The following ACOXL variants were observed in gnomAD, a reference collection of about 807,000 sequenced individuals.
The protein encoded by ACOXL is acyl-coenzyme A oxidase-like protein.
ACOXL carries 70 observed loss-of-function variants against 71.9 expected under a neutral mutation model. The observed-to-expected ratio is 0.97, with a 90% CI of 0.80 to 1.19. The LOEUF (loss-of-function observed/expected upper bound fraction) is 1.19. ACOXL is among the 50% of genes most tolerant of loss of function. The pLI, the probability that ACOXL is intolerant of heterozygous loss-of-function variation, is 0.00. For synonymous variants in ACOXL, 253 were observed against 281.6 expected (o/e 0.90, Z 1.02); for missense variants, 703 against 736.3 (o/e 0.95, Z 0.52).
intron 12 of ACOXL, among the ~76,000 whole-genome samples, chr2:110,966,376 C>T (rs1472234629): frequency 2.0e-5 from 3 of 152,232 alleles, no homozygotes; most frequent in Admixed American, 6.5e-5. Context: ...TGAGTCTCTA[C>T]TCCCACCTGA....
intron 10 of ACOXL, among the ~76,000 whole-genome samples, chr2:110,865,736 T>C (rs780120211): frequency 3.5e-4 from 53 of 152,332 alleles, no homozygotes; most frequent in Non-Finnish European, 3.7e-4. Flanking sequence ...TTTACATGCA[T>C]TTATGTGTGT....
chr2:110,743,987 T>C (rs1036838276), intron 1 of ACOXL, among the ~76,000 whole-genome samples: 1 of 152,156 alleles, frequency 6.6e-6, no homozygotes, highest in Non-Finnish European at 1.5e-5. Flanking sequence ...ACAATTGGGG[T>C]GCTGCCTCTG....
At chr2:111,000,610 C>A (rs1038161335) in intron 14 of ACOXL, among the ~76,000 whole-genome samples, 1 of 152,212 alleles carries the variant, frequency 6.6e-6, no homozygotes, top group Admixed American at 6.5e-5. Flanking sequence ...CCCTCTGAGA[C>A]CCTGGGTAGA....
At chr2:110,889,438 A>G (rs1485431695) in intron 10 of ACOXL, among the ~76,000 whole-genome samples, 2 of 152,130 alleles carry the variant, frequency 1.3e-5, no homozygotes, top group Non-Finnish European at 2.9e-5. Context: ...CCACAATCTA[A>G]TTTTACATTT....
At chr2:111,080,001 T>G (rs1349017041) in intron 16 of ACOXL, among the ~76,000 whole-genome samples, 1 of 152,246 alleles carries the variant, frequency 6.6e-6, no homozygotes, top group Admixed American at 6.5e-5. Flanking sequence ...TTTTCTAGTT[T>G]ATTTGCATAG....
chr2:111,009,088 A>T (rs1237460639), intron 14 of ACOXL, among the ~76,000 whole-genome samples: 1 of 152,200 alleles, frequency 6.6e-6, no homozygotes, highest in African/African-American at 2.4e-5. Context: ...AAATTTTTTT[A>T]TATAGTCAAA....
At chr2:110,973,184 A>C (rs1248146082) in intron 12 of ACOXL, among the ~76,000 whole-genome samples, 3 of 152,248 alleles carry the variant, frequency 2.0e-5, no homozygotes. Flanking sequence ...AAAAAGCAGG[A>C]ATAAGTAAAT....
At position 110,995,830 on chromosome 2, in the gene ACOXL, C is replaced by G. The variant is rs1490442834; in HGVS notation, c.1170-63C>G. 6 of 1,318,370 alleles carry G rather than the reference C, an allele frequency of 4.6e-6. No individual in the cohort carries two copies. In the Admixed American group the frequency reaches 8.6e-5, roughly 19 times the overall value. The allele number at this position is 1,318,370 out of a possible 1,614,324, so 81.7% of individuals were successfully genotyped here. ...TTTAAAAAACAAACCTACTCTATTT[C>G]TTTCAAATGAAATTCTTGGTGAGGC... On this transcript the variant is annotated intron_variant, in intron 13 of 17. Transcript: ENST00000439055.
At chr2:111,011,853 C>G (rs2064177128) in intron 14 of ACOXL, among the ~76,000 whole-genome samples, 1 of 144,512 alleles carries the variant, frequency 6.9e-6, no homozygotes, top group African/African-American at 2.6e-5. Flanking sequence ...CACTGCACTC[C>G]AGCCTGGGCA....
chr2:110,804,304 G>A (rs1364854991), intron 8 of ACOXL, among the ~76,000 whole-genome samples: 2 of 152,042 alleles, frequency 1.3e-5, no homozygotes, highest in Non-Finnish European at 2.9e-5. Flanking sequence ...CTTATTAAAG[G>A]GGCAGACGAT....
chr2:110,858,873 C>T (rs1693594461), intron 10 of ACOXL, among the ~76,000 whole-genome samples: 1 of 152,208 alleles, frequency 6.6e-6, no homozygotes, highest in Non-Finnish European at 1.5e-5. Flanking sequence ...CTCTGTGTGT[C>T]TCAAACAGGA....
intron 10 of ACOXL, among the ~76,000 whole-genome samples, chr2:110,851,835 A>G (rs550413284): frequency 2.0e-5 from 3 of 152,288 alleles, no homozygotes; most frequent in African/African-American, 7.2e-5. Context: ...GATCCGGGAA[A>G]TGGGGGGCAG....
chr2:110,924,637 T>C (rs1185555677), intron 11 of ACOXL, among the ~76,000 whole-genome samples: 1 of 152,104 alleles, frequency 6.6e-6, no homozygotes, highest in African/African-American at 2.4e-5. Flanking sequence ...ATCTTCAGGC[T>C]CCACTTCTAA....
At chr2:110,954,831 T>C (rs2061440704) in intron 12 of ACOXL, among the ~76,000 whole-genome samples, 1 of 152,158 alleles carries the variant, frequency 6.6e-6, no homozygotes, top group African/African-American at 2.4e-5. Flanking sequence ...TGGTCTGTAG[T>C]TTTTGTCTGA....
chr2:110,851,947 C>T (rs2148932579), intron 10 of ACOXL, among the ~76,000 whole-genome samples: 1 of 152,312 alleles, frequency 6.6e-6, no homozygotes, highest in African/African-American at 2.4e-5. Context: ...GGTTGAATGT[C>T]GCTGAGTGCA....
chr2:110,902,315 C>A (rs1275779445), intron 10 of ACOXL, among the ~76,000 whole-genome samples: 1 of 151,774 alleles, frequency 6.6e-6, no homozygotes, highest in Non-Finnish European at 1.5e-5. Context: ...ACTAAAATTA[C>A]AAAAATTAGT....
At chr2:110,862,880 C>T (rs538440298) in intron 10 of ACOXL, among the ~76,000 whole-genome samples, 137 of 152,308 alleles carry the variant, frequency 9.0e-4, no homozygotes, top group Non-Finnish European at 1.6e-3. Flanking sequence ...CAGCGGCACC[C>T]GGGGCCCTTA....
At chr2:110,898,705 C>T (rs1204895031) in intron 10 of ACOXL, among the ~76,000 whole-genome samples, 2 of 152,146 alleles carry the variant, frequency 1.3e-5, no homozygotes, top group East Asian at 3.9e-4. Context: ...GCTCTTGCTA[C>T]TGCTATTCAG....
At chr2:110,783,556 A>C (rs564015601) in intron 2 of ACOXL, among the ~76,000 whole-genome samples, 2 of 152,296 alleles carry the variant, frequency 1.3e-5, no homozygotes, top group South Asian at 4.1e-4. Flanking sequence ...GGAAACTGAA[A>C]GTCATTCAAG....
Sources: gnomAD v4.1 joint callset for allele counts (sites outside exome capture counted in the v4.1 genomes callset) on GRCh38, gnomAD v4.1.1 for gene constraint, MANE v1.5 for transcripts, NCBI Gene and HGNC (gene_info 2026-07-23, HGNC 2026-07-21) for gene names.